The following PAX5 variants were observed in gnomAD, a reference collection of about 807,000 sequenced individuals.
PAX5 encodes paired box protein Pax-5.
PAX5 carries 9 observed loss-of-function variants against 43.7 expected under a neutral mutation model. The observed-to-expected ratio is 0.21, with a 90% confidence interval of 0.12 to 0.36. PAX5 has a LOEUF of 0.36. Among genes scored for constraint, PAX5 ranks in the 10% least tolerant of loss-of-function variants. PAX5 has a pLI of 1.00. For synonymous variants in PAX5, 228 were observed against 214.3 expected (o/e 1.06, Z -0.56); for missense variants, 383 against 532.7 (o/e 0.72, Z 2.77).
intron 2 of PAX5, among the ~76,000 whole-genome samples, chr9:37,017,880 A>G (rs1447234501): frequency 1.3e-5 from 2 of 152,262 alleles, no homozygotes; most frequent in African/African-American, 2.4e-5. Flanking sequence ...AACTGTGTCA[A>G]ATGAGGATTC....
chr9:36,953,680 T>A (rs939839928), intron 6 of PAX5, among the ~76,000 whole-genome samples: 1 of 152,238 alleles, frequency 6.6e-6, no homozygotes, highest in South Asian at 2.1e-4. Flanking sequence ...TGATTCTTTC[T>A]TAGAATTTTC....
At position 36,966,709 on chromosome 9, in the gene PAX5, G is replaced by A. The variant is rs759872013; in HGVS notation, c.620C>T (p.Pro207Leu). Residue 207 changes from proline (P) to leucine (L), a missense_variant, in exon 6 of 10, where the codon CCG becomes CTG. Pro to Leu is a moderately conservative substitution (Grantham distance 98). Transcript: ENST00000358127. ...CGGAAGCGAGTGGCCGTTCGGCACC[G>A]GAGACTCCTGAATACCTTTGATGAG... ...RKRDEGIQESPVPNGHSLPGR... is the reference protein window; with the variant it reads ...RKRDEGIQESLVPNGHSLPGR... The A allele has an allele frequency of 2.0e-5, 33 of 1,613,940 alleles. No homozygotes were observed. The highest frequency in any genetic ancestry group is 6.7e-5 in the East Asian group (3 of 44,898).
intron 8 of PAX5, among the ~76,000 whole-genome samples, chr9:36,856,153 A>G (rs1049412980): frequency 2.0e-5 from 3 of 152,208 alleles, no homozygotes; most frequent in South Asian, 2.1e-4. Context: ...CACAATACCA[A>G]TGCAGACTGA....
intron 5 of PAX5, among the ~76,000 whole-genome samples, chr9:36,987,261 G>A (rs2132308169): frequency 2.0e-5 from 3 of 152,330 alleles, no homozygotes; most frequent in Middle Eastern, 6.8e-3. Context: ...TGTACCAGGT[G>A]TTTTGCCTCT....
At chr9:36,843,070 G>A (rs767087127) in intron 9 of PAX5, among the ~76,000 whole-genome samples, 7 of 149,690 alleles carry the variant, frequency 4.7e-5, no homozygotes, top group Non-Finnish European at 1.0e-4. Flanking sequence ...GTGTGTGAGC[G>A]TGTGTGTGCC....
chr9:36,877,840 G>A lies in PAX5; in HGVS notation c.1012+4164C>T, dbSNP rs1312609550. 3.9e-5 allele frequency among the ~76,000 whole-genome samples: 6 copies of A among 152,250 alleles called. No individual in the cohort carries two copies. In the East Asian group the frequency reaches 1.2e-3, roughly 29 times the overall value. On this transcript the variant is annotated intron_variant, in intron 8 of 9. Transcript: ENST00000358127. ...AAGGAAAAAAGGGGTCTTTGCAGAT[G>A]TGATTGACTAAGGATCTTGCGATGG... is the stretch of plus-strand genomic sequence containing the variant.
chr9:36,963,197 T>C (rs1042448504), intron 6 of PAX5, among the ~76,000 whole-genome samples: 1 of 152,244 alleles, frequency 6.6e-6, no homozygotes, highest in Non-Finnish European at 1.5e-5. Context: ...TCAGTCATTA[T>C]CCTGCCACAC....
chr9:37,027,163 G>A (rs1281852408), intron 1 of PAX5, among the ~76,000 whole-genome samples: 1 of 152,192 alleles, frequency 6.6e-6, no homozygotes, highest in Non-Finnish European at 1.5e-5. Flanking sequence ...CTGGCTCTCC[G>A]ACGTCTCGGA....
chr9:37,034,249 C>A lies in PAX5; in HGVS notation c.-218G>T, dbSNP rs1841325223. On this transcript the variant is annotated 5_prime_UTR_variant, in exon 1 of 10. Transcript: ENST00000358127. ...GTGGAAAAAAAGCGTCCGAAGGCAC[C>A]GTGAAATGATTAAGGAACTAAAGAG... 1.8e-6 allele frequency: 1 copy of A among 551,868 alleles called. No homozygotes were observed. Among genetic ancestry groups the A allele is most frequent in the East Asian group, 3.1e-5 (1 of 32,520 alleles). The allele number at this position is 551,868 out of a possible 1,614,324, so 34.2% of individuals were successfully genotyped here.
At chr9:36,934,094 G>C (rs544062071) in intron 6 of PAX5, among the ~76,000 whole-genome samples, 119 of 152,372 alleles carry the variant, frequency 7.8e-4, no homozygotes, top group African/African-American at 2.7e-3. Flanking sequence ...ACCAGGGGAG[G>C]CAGCGTGGCT....
chr9:36,994,625 A>G (rs1478813493), intron 5 of PAX5, among the ~76,000 whole-genome samples: 1 of 152,230 alleles, frequency 6.6e-6, no homozygotes, highest in African/African-American at 2.4e-5. Context: ...CAGAAGCTCA[A>G]AGACCTTCAG....
chr9:37,011,120 C>CA (rs1488585150), intron 3 of PAX5, among the ~76,000 whole-genome samples: 2 of 72,824 alleles, frequency 2.7e-5, no homozygotes, highest in Admixed American at 1.5e-4. Flanking sequence ...GACCCTGTCT[C>CA]AAAAAAACAA....
At chr9:36,863,509 C>T (rs984615384) in intron 8 of PAX5, among the ~76,000 whole-genome samples, 17 of 152,196 alleles carry the variant, frequency 1.1e-4, no homozygotes, top group Non-Finnish European at 2.4e-4. Flanking sequence ...TGTCATCATG[C>T]CTTTCACCAA....
At chr9:36,953,445 A>G (rs953632049) in intron 6 of PAX5, among the ~76,000 whole-genome samples, 4 of 152,090 alleles carry the variant, frequency 2.6e-5, no homozygotes, top group African/African-American at 9.7e-5. Flanking sequence ...CCTTCCGGCA[A>G]CCTAATTATA....
At chr9:36,930,136 T>C (rs1189268260) in intron 6 of PAX5, among the ~76,000 whole-genome samples, 1 of 150,780 alleles carries the variant, frequency 6.6e-6, no homozygotes, top group Non-Finnish European at 1.5e-5. Context: ...CTCTGAAATA[T>C]CAGAACTATA....
chr9:36,851,979 G>A (rs563209495), intron 8 of PAX5, among the ~76,000 whole-genome samples: 11 of 152,176 alleles, frequency 7.2e-5, no homozygotes, highest in African/African-American at 1.7e-4. Context: ...GCTCCAGGCC[G>A]GCTCTTCCTC....
chr9:36,980,692 C>G (rs779448906), intron 5 of PAX5, among the ~76,000 whole-genome samples: 1 of 152,072 alleles, frequency 6.6e-6, no homozygotes, highest in South Asian at 2.1e-4. Context: ...GGCCCAGGGT[C>G]GAGTGGGAGC....
At chr9:37,025,423 G>A (rs932264658) in intron 1 of PAX5, among the ~76,000 whole-genome samples, 6 of 151,948 alleles carry the variant, frequency 3.9e-5, no homozygotes, top group African/African-American at 7.3e-5. Flanking sequence ...CTGTTGGGAT[G>A]GGGGGGAGCG....
At chr9:36,864,052 TGA>T (rs1200324315) in intron 8 of PAX5, among the ~76,000 whole-genome samples, 2 of 152,208 alleles carry the variant, frequency 1.3e-5, no homozygotes, top group Non-Finnish European at 2.9e-5. Context: ...GAGGTTGCAG[TGA>T]GCCGAGATTG....
Sources: gnomAD v4.1 joint callset for allele counts (sites outside exome capture counted in the v4.1 genomes callset) on GRCh38, gnomAD v4.1.1 for gene constraint, MANE v1.5 for transcripts, NCBI Gene and HGNC (gene_info 2026-07-23, HGNC 2026-07-21) for gene names.